The following SHB variants were observed in gnomAD, a reference collection of about 807,000 sequenced individuals.
SHB encodes SH2 domain containing adaptor protein B.
In SHB, 20 loss-of-function variants were observed where a neutral mutation model predicts 52.3. The ratio of observed to expected loss-of-function variants is 0.38; its 90% CI spans 0.27 to 0.56. SHB has a LOEUF of 0.56. Among genes scored for constraint, SHB ranks in the 20% least tolerant of loss-of-function variants. The pLI, the probability that SHB is intolerant of heterozygous loss-of-function variation, is 0.71. For synonymous variants in SHB, 397 were observed against 316.5 expected (o/e 1.25, Z -2.70); for missense variants, 825 against 723.3 (o/e 1.14, Z -1.61).
intron 3 of SHB, among the ~76,000 whole-genome samples, chr9:37,960,913 C>T (rs1461220807): frequency 6.6e-6 from 1 of 152,218 alleles, no homozygotes; most frequent in East Asian, 1.9e-4. Context: ...GACTGCAGGC[C>T]TGCAAGGTCA....
At chr9:37,928,255 G>C (rs1402156698) in intron 5 of SHB, among the ~76,000 whole-genome samples, 1 of 152,216 alleles carries the variant, frequency 6.6e-6, no homozygotes, top group Non-Finnish European at 1.5e-5. Flanking sequence ...CCCTCATGGA[G>C]GGAGACAGGT....
rs116285035 is a variant in SHB at position 38,000,419 on chromosome 9, T to C, written c.838+15592A>G. On this transcript the variant is annotated intron_variant, in intron 2 of 5. Transcript: ENST00000377707. ...CCACGACCTTGCCCTTGTTTCCCCA[T>C]GTTGACCATGGTACCAACTGACCCT... Among the ~76,000 whole-genome samples the C allele has an allele frequency of 6.0e-3, 921 of 152,320 alleles. 12 individuals are homozygous for C. The highest frequency in any genetic ancestry group is 0.021 in the African/African-American group (883 of 41,568).
At chr9:37,953,895 G>A (rs1260230176) in intron 4 of SHB, among the ~76,000 whole-genome samples, 1 of 152,158 alleles carries the variant, frequency 6.6e-6, no homozygotes, top group Admixed American at 6.5e-5. Flanking sequence ...GAGATGAGAC[G>A]ATGGGGGAGG....
chr9:38,053,044 T>C (rs1821771074), intron 1 of SHB, among the ~76,000 whole-genome samples: 1 of 152,136 alleles, frequency 6.6e-6, no homozygotes, highest in Non-Finnish European at 1.5e-5. Context: ...CTGTGGTTTC[T>C]ATGACAGTAG....
At chr9:38,062,198 A>G (rs926009779) in intron 1 of SHB, among the ~76,000 whole-genome samples, 6 of 152,244 alleles carry the variant, frequency 3.9e-5, no homozygotes, top group African/African-American at 1.4e-4. Flanking sequence ...TAGAGGAAGC[A>G]TATAGGTTTT....
chr9:37,989,858 A>G (rs1820861487), intron 2 of SHB, among the ~76,000 whole-genome samples: 1 of 152,218 alleles, frequency 6.6e-6, no homozygotes, highest in Non-Finnish European at 1.5e-5. Flanking sequence ...AAGAGCCAGG[A>G]ACCTGAAAGT....
chr9:38,021,123 A>G (rs545433818), intron 1 of SHB, among the ~76,000 whole-genome samples: 4 of 152,274 alleles, frequency 2.6e-5, no homozygotes, highest in Non-Finnish European at 5.9e-5. Flanking sequence ...GGATTACCTG[A>G]GGTCAGCAGT....
chr9:38,033,858 A>AC (rs202174590), intron 1 of SHB, among the ~76,000 whole-genome samples: 11 of 143,122 alleles, frequency 7.7e-5, no homozygotes, highest in Non-Finnish European at 1.3e-4. Flanking sequence ...AAATCCTGAC[A>AC]CCCCCCCAGC....
At chr9:38,066,411 CCA>C (rs1159351105) in intron 1 of SHB, among the ~76,000 whole-genome samples, 71 of 152,280 alleles carry the variant, frequency 4.7e-4, no homozygotes, top group African/African-American at 1.5e-3. Flanking sequence ...CAAGCTTCAG[CCA>C]TGCATAAGAC....
At chr9:38,026,844 G>T (rs1319980421) in intron 1 of SHB, among the ~76,000 whole-genome samples, 2 of 152,212 alleles carry the variant, frequency 1.3e-5, no homozygotes, top group African/African-American at 4.8e-5. Context: ...TCGCTGTTCA[G>T]TCCGATCACC....
chr9:37,940,418 G>A (rs761424866), intron 5 of SHB, among the ~76,000 whole-genome samples: 2 of 152,198 alleles, frequency 1.3e-5, no homozygotes, highest in Non-Finnish European at 2.9e-5. Context: ...AGTGTTTGAG[G>A]AGTCTCTGTT....
intron 2 of SHB, among the ~76,000 whole-genome samples, chr9:37,990,484 A>G (rs148568969): frequency 7.9e-4 from 121 of 152,346 alleles, no homozygotes; most frequent in African/African-American, 2.8e-3. Context: ...AAATGGAATA[A>G]CATAAACACA....
At chr9:38,029,083 G>A (rs1451754334) in intron 1 of SHB, among the ~76,000 whole-genome samples, 2 of 152,160 alleles carry the variant, frequency 1.3e-5, no homozygotes, top group African/African-American at 4.8e-5. Context: ...CTAGCCAGAA[G>A]CCTATTTGTA....
chr9:37,943,665 C>T (rs1201939273), intron 5 of SHB, among the ~76,000 whole-genome samples: 1 of 152,188 alleles, frequency 6.6e-6, no homozygotes, highest in Non-Finnish European at 1.5e-5. Context: ...CTGCAGAGGC[C>T]TCAGAGGTGC....
intron 3 of SHB, among the ~76,000 whole-genome samples, chr9:37,966,937 A>T (rs1820534060): frequency 6.6e-6 from 1 of 152,208 alleles, no homozygotes. Flanking sequence ...TCACGAGGGC[A>T]ACATGGTATG....
chr9:38,067,360 T>C (rs1005779266), intron 1 of SHB, among the ~76,000 whole-genome samples: 1 of 151,880 alleles, frequency 6.6e-6, no homozygotes, highest in South Asian at 2.1e-4. Flanking sequence ...CCGGAGCAGC[T>C]CCGGTACCAG....
chr9:37,966,784 GC>G (rs1320082091), intron 3 of SHB, among the ~76,000 whole-genome samples: 1 of 152,208 alleles, frequency 6.6e-6, no homozygotes, highest in Non-Finnish European at 1.5e-5. Flanking sequence ...CTCTGCAGAT[GC>G]CGGGGCCCTG....
rs147970736 is a variant in SHB, at chr9:37,998,847, G to A, written c.838+17164C>T. On this transcript the variant is annotated intron_variant, in intron 2 of 5. Transcript: ENST00000377707. The stretch of plus-strand genomic sequence containing the variant: ...GCCATTAAACTGACTTCAAAGGCAA[G>A]GATGAGATGGAAGCAGAGGAAAGGC... 5.3e-5 allele frequency among the ~76,000 whole-genome samples: 8 copies of A among 152,366 alleles called. No individual in the cohort carries two copies. In the East Asian group the frequency reaches 1.2e-3, roughly 22 times the overall value.
intron 1 of SHB, among the ~76,000 whole-genome samples, chr9:38,022,627 C>A (rs1821295265): frequency 6.6e-6 from 1 of 152,202 alleles, no homozygotes; most frequent in Non-Finnish European, 1.5e-5. Flanking sequence ...TGGGACCCCC[C>A]CATAACACAG....
Sources: allele counts gnomAD v4.1 joint callset (sites outside exome capture counted in the v4.1 genomes callset), GRCh38; gene constraint gnomAD v4.1.1; transcripts MANE v1.5; gene names NCBI Gene and HGNC (gene_info 2026-07-23, HGNC 2026-07-21).